RALYL: variants seen among roughly 807,000 people sequenced by gnomAD.
RALYL encodes RALY RNA binding protein like, also known as RNA-binding Raly-like protein.
Under a neutral mutation model 35.1 loss-of-function variants are expected in RALYL, and 29 were observed. The observed-to-expected ratio is 0.83, with a 90% CI of 0.61 to 1.13. The LOEUF (loss-of-function observed/expected upper bound fraction) is 1.13, where lower values mean the gene tolerates loss of function less well. Ranked by LOEUF, RALYL falls within the 50% of genes most tolerant of loss-of-function variation. The probability of loss-of-function intolerance (pLI) is 0.00; values close to 1 mark genes in which losing one functional copy is unlikely to be tolerated. For missense variants in RALYL, 359 were observed against 360.4 expected (o/e 1.00, Z 0.03); for synonymous variants, 120 against 127.6 (o/e 0.94, Z 0.40).
At chr8:84,601,300 G>A (rs951562350) in intron 2 of RALYL, among the ~76,000 whole-genome samples, 5 of 152,082 alleles carry the variant, frequency 3.3e-5, no homozygotes, top group African/African-American at 1.2e-4. Flanking sequence ...TCATCAGGAG[G>A]ATAATGCTTT....
chr8:84,450,622 A>G lies in RALYL; in HGVS notation c.-23-78677A>G, dbSNP rs562154438. On this transcript the variant is annotated intron_variant, in intron 1 of 8. Coordinates refer to ENST00000521268, the MANE Select transcript of RALYL (RefSeq NM_173848.7). ...GTTCAGATAATACCTTTTTAATTCAATGTTAAATTGCTTTTTTGAAGACCT... is the reference window on the plus strand; with the variant it reads ...GTTCAGATAATACCTTTTTAATTCAGTGTTAAATTGCTTTTTTGAAGACCT... Among the ~76,000 whole-genome samples the G allele has an allele frequency of 2.0e-5, 3 of 152,084 alleles. No individual in the cohort carries two copies. The South Asian group carries it at 6.2e-4, about 31-fold the overall frequency.
At chr8:84,488,080 T>C (rs780046689) in intron 1 of RALYL, among the ~76,000 whole-genome samples, 27 of 152,050 alleles carry the variant, frequency 1.8e-4, no homozygotes, top group Non-Finnish European at 3.4e-4. Flanking sequence ...CCATACAAGG[T>C]AGAGTAACAG....
chr8:84,733,202 G>C (rs910831833), intron 2 of RALYL, among the ~76,000 whole-genome samples: 3 of 152,186 alleles, frequency 2.0e-5, no homozygotes, highest in African/African-American at 7.2e-5. Flanking sequence ...CGAATCACTA[G>C]CTTCTGGCTC....
At chr8:84,284,604 G>T (rs999947069) in intron 1 of RALYL, among the ~76,000 whole-genome samples, 1 of 152,250 alleles carries the variant, frequency 6.6e-6, no homozygotes, top group East Asian at 1.9e-4. Flanking sequence ...CAAGGAAAGA[G>T]CAGTTTTCAC....
At chr8:84,617,098 C>T (rs1450973872) in intron 2 of RALYL, among the ~76,000 whole-genome samples, 2 of 150,258 alleles carry the variant, frequency 1.3e-5, no homozygotes, top group South Asian at 4.2e-4. Flanking sequence ...TCCATATGAA[C>T]TTTAAAGTAG....
At chr8:84,490,290 A>G (rs1411698743) in intron 1 of RALYL, among the ~76,000 whole-genome samples, 2 of 151,978 alleles carry the variant, frequency 1.3e-5, no homozygotes, top group African/African-American at 4.8e-5. Context: ...GGGCGATTTC[A>G]GAGCTGCCAC....
intron 1 of RALYL, among the ~76,000 whole-genome samples, chr8:84,398,046 C>G (rs1023636182): frequency 6.6e-6 from 1 of 152,132 alleles, no homozygotes; most frequent in Non-Finnish European, 1.5e-5. Flanking sequence ...TTAGATGCAA[C>G]AAGAAGTGTT....
At chr8:84,683,804 A>G (rs1048798844) in intron 2 of RALYL, among the ~76,000 whole-genome samples, 1 of 152,150 alleles carries the variant, frequency 6.6e-6, no homozygotes, top group African/African-American at 2.4e-5. Flanking sequence ...CTCCTGCCAC[A>G]TCCTCCTGAG....
chr8:84,342,073 G>A (rs1399568450), intron 1 of RALYL, among the ~76,000 whole-genome samples: 1 of 150,928 alleles, frequency 6.6e-6, no homozygotes, highest in African/African-American at 2.4e-5. Context: ...AGACTGGACT[G>A]ACAAGATAAA....
At chr8:84,464,187 T>C (rs1255983293) in intron 1 of RALYL, among the ~76,000 whole-genome samples, 4 of 151,246 alleles carry the variant, frequency 2.6e-5, no homozygotes, top group Non-Finnish European at 4.4e-5. Flanking sequence ...CATGTGCACA[T>C]TGTGCAGGTT....
intron 2 of RALYL, among the ~76,000 whole-genome samples, chr8:84,714,502 T>C (rs1045352006): frequency 2.0e-5 from 3 of 151,272 alleles, no homozygotes; most frequent in African/African-American, 7.3e-5. Flanking sequence ...TATATATATA[T>C]ATAATTTTTA....
At chr8:84,498,549 A>G (rs893640791) in intron 1 of RALYL, among the ~76,000 whole-genome samples, 2 of 150,576 alleles carry the variant, frequency 1.3e-5, no homozygotes, top group Admixed American at 6.6e-5. Context: ...TAACCTTTCT[A>G]GTATTGAATA....
rs184719986 is a variant in RALYL, at chr8:84,877,358, A to G, written c.685+3961A>G. 2.0e-3 allele frequency among the ~76,000 whole-genome samples: 300 copies of G among 152,214 alleles called. 1 individual carries two copies. The highest frequency in any genetic ancestry group is 6.8e-3 in the Middle Eastern group (2 of 294). ...AAAAATTAGCCGGATGTGGTGGCAC[A>G]TGCCTGTAATCCCAGCTACTCAGGA... On this transcript the variant is annotated intron_variant, in intron 7 of 8. Coordinates refer to ENST00000521268, the MANE Select transcript of RALYL (RefSeq NM_173848.7).
At chr8:84,189,160 A>G (rs1813252718) in intron 1 of RALYL, among the ~76,000 whole-genome samples, 1 of 152,210 alleles carries the variant, frequency 6.6e-6, no homozygotes, top group Admixed American at 6.5e-5. Context: ...GAGGAAAATT[A>G]TGGAGTAGAA....
At chr8:84,857,736 T>G (rs191117802) in intron 5 of RALYL, among the ~76,000 whole-genome samples, 2 of 152,264 alleles carry the variant, frequency 1.3e-5, no homozygotes, top group East Asian at 3.9e-4. Context: ...CTAGAATACA[T>G]GACTGTACAT....
chr8:84,617,378 ATTTGGCTCTCTG>A (rs1716567632), intron 2 of RALYL, among the ~76,000 whole-genome samples: 5 of 149,570 alleles, frequency 3.3e-5, no homozygotes, highest in Admixed American at 3.3e-4. Flanking sequence ...TTCACTCATG[ATTTGGCTCTCTG>A]TTTGTCTGTT....
At chr8:84,246,006 T>C (rs1829010092) in intron 1 of RALYL, among the ~76,000 whole-genome samples, 1 of 152,112 alleles carries the variant, frequency 6.6e-6, no homozygotes, top group African/African-American at 2.4e-5. Context: ...TGTAATATCA[T>C]GTGTTGGTAT....
chr8:84,449,173 C>T (rs2049182894), intron 1 of RALYL, among the ~76,000 whole-genome samples: 1 of 151,490 alleles, frequency 6.6e-6, no homozygotes, highest in Admixed American at 6.6e-5. Flanking sequence ...TTTGGGTCAC[C>T]TAAAATCTGT....
chr8:84,590,075 T>C (rs981621367), intron 2 of RALYL, among the ~76,000 whole-genome samples: 5 of 152,228 alleles, frequency 3.3e-5, no homozygotes, highest in African/African-American at 1.2e-4. Flanking sequence ...GAAGATATAA[T>C]CTTCCTAATT....
Sources: allele counts gnomAD v4.1 joint callset (sites outside exome capture counted in the v4.1 genomes callset), GRCh38; gene constraint gnomAD v4.1.1; transcripts MANE v1.5; gene names NCBI Gene and HGNC (gene_info 2026-07-23, HGNC 2026-07-21).